Variants in TRIP12 observed in about 807,000 individuals in gnomAD.
TRIP12 encodes the protein thyroid hormone receptor interactor 12.
In TRIP12, 25 loss-of-function variants were observed where a neutral mutation model predicts 244.2. The ratio of observed to expected loss-of-function variants is 0.10; its 90% CI spans 0.07 to 0.14. TRIP12 has a LOEUF of 0.14. TRIP12 is among the 10% of genes least tolerant of loss of function. The pLI is 1.00. For synonymous variants in TRIP12, 905 were observed against 873.1 expected (o/e 1.04, Z -0.64); for missense variants, 1,677 against 2,486.4 (o/e 0.67, Z 6.92).
At chr2:229,894,171 G>A (rs781238541) in intron 1 of TRIP12, among the ~76,000 whole-genome samples, 6 of 152,046 alleles carry the variant, frequency 3.9e-5, no homozygotes, top group Middle Eastern at 3.4e-3. Context: ...AAAAGTTTTC[G>A]TTATTCTGCT....
At chr2:229,805,687 T>C (rs987291483) in intron 18 of TRIP12, 43 bp downstream of exon 18, 3 of 1,452,814 alleles carry the variant, frequency 2.1e-6, no homozygotes, top group Admixed American at 2.0e-5. Flanking sequence ...ACACAAAATA[T>C]TGCACAATAG....
At chr2:229,771,415 A>AT (rs1220421815) in intron 39 of TRIP12, 104 bp downstream of exon 39, 19 of 908,676 alleles carry the variant, frequency 2.1e-5, no homozygotes, top group African/African-American at 1.0e-4. Context: ...TCTAACACCC[A>AT]TTTTTTTGTT....
In TRIP12 at chr2:229,858,956, A is replaced by G; in HGVS notation, c.843T>C (p.Ser281=). 1 of 1,614,110 alleles carries G rather than the reference A, an allele frequency of 6.2e-7. No individual in the cohort carries two copies. The highest frequency in any genetic ancestry group is 8.5e-7 in the Non-Finnish European group (1 of 1,180,010). The change falls in exon 4 of 42, where the codon AGT becomes AGC. Residue 281 remains serine, a synonymous_variant. Coordinates refer to ENST00000675903, the MANE Select transcript of TRIP12 (RefSeq NM_001348323.3). ...NKARRSRSAS[S]PSPRRSSREK... ...CCCTGCTACTTCTTCTGGGGCTGGGACTGGACGCTGAACGGGAACGCCTGG... is the reference window on the plus strand; with the variant it reads ...CCCTGCTACTTCTTCTGGGGCTGGGGCTGGACGCTGAACGGGAACGCCTGG...
At position 229,783,385 on chromosome 2, in the gene TRIP12, T is replaced by C. The variant is rs146360326; in HGVS notation, c.5094+2372A>G. 1.6e-3 allele frequency among the ~76,000 whole-genome samples: 237 copies of C among 152,300 alleles called. 6 individuals carry two copies. In the East Asian group the frequency reaches 0.038, roughly 24 times the overall value. On this transcript the variant is annotated intron_variant, in intron 34 of 41. Transcript: ENST00000675903. ...TACTATCTGGTCCTTCACAGAAAGT[T>C]TTCCCAAGCCATGGGTCTACAATAA...
intron 2 of TRIP12, among the ~76,000 whole-genome samples, chr2:229,862,867 A>G (rs1334088839): frequency 6.6e-6 from 1 of 152,220 alleles, no homozygotes; most frequent in Non-Finnish European, 1.5e-5. Context: ...AACTCTCTAT[A>G]TTATACCACA....
At chr2:229,827,474 T>A (rs1319546150) in intron 8 of TRIP12, among the ~76,000 whole-genome samples, 1 of 152,010 alleles carries the variant, frequency 6.6e-6, no homozygotes, top group Non-Finnish European at 1.5e-5. Flanking sequence ...TTATTATTAT[T>A]ATTATTTTTT....
rs556981647 is a variant in TRIP12 at position 229,844,440 on chromosome 2, C to T, written c.1028-3513G>A. On this transcript the variant is annotated intron_variant, in intron 4 of 41. Coordinates refer to ENST00000675903, the MANE Select transcript of TRIP12 (RefSeq NM_001348323.3). ...AATAGACAACTGAATAATAAATCTT[C>T]GCTGTCCTGTTTTTATGCTATCTTC... Among the ~76,000 whole-genome samples, 7 of 152,290 alleles carry T rather than the reference C, an allele frequency of 4.6e-5. No individual in the cohort carries two copies. The South Asian group carries it at 1.5e-3, about 32-fold the overall frequency.
chr2:229,785,632 TCA>T (rs1194990650), intron 34 of TRIP12, 123 bp downstream of exon 34: 11 of 859,668 alleles, frequency 1.3e-5, no homozygotes, highest in Non-Finnish European at 1.9e-5. Flanking sequence ...AACAAATCAT[TCA>T]AGAGAAAAGA....
intron 1 of TRIP12, among the ~76,000 whole-genome samples, chr2:229,906,588 C>T (rs186557248): frequency 0.014 from 2,129 of 151,338 alleles, 52 homozygotes; most frequent in African/African-American, 0.048. Flanking sequence ...GGCATGGTGG[C>T]GGGCACCTGT....
At chr2:229,868,199 T>TTTCA (rs1419082834) in intron 2 of TRIP12, among the ~76,000 whole-genome samples, 6 of 152,190 alleles carry the variant, frequency 3.9e-5, no homozygotes, top group Admixed American at 2.6e-4. Flanking sequence ...GAATACTTAC[T>TTTCA]TTCATTCATT....
In TRIP12 at chr2:229,830,803, G is replaced by C; in HGVS notation, c.1307C>G (p.Thr436Ser). Residue 436 changes from threonine (T) to serine (S), a missense_variant, in exon 7 of 42, where the codon ACC (threonine) becomes AGC (serine). Physicochemically the swap from Thr to Ser is moderately conservative, Grantham distance 58. Transcript: ENST00000675903. ...SSVAGAVGMT[T>S]SGESESDDSE... ...ATCATCTGATTCACTCTCCCCAGAG[G>C]TGGTCATGCCAACAGCCCCTGCAAC... 6.2e-7 allele frequency: 1 copy of C among 1,614,136 alleles called. No homozygotes were observed. Among genetic ancestry groups the C allele is most frequent in the East Asian group, 2.2e-5 (1 of 44,872 alleles).
intron 4 of TRIP12, among the ~76,000 whole-genome samples, chr2:229,850,986 G>A (rs542500217): frequency 1.1e-4 from 16 of 152,188 alleles, no homozygotes; most frequent in South Asian, 8.3e-4. Flanking sequence ...GCCCACCATG[G>A]CTGAGCCTTC....
At position 229,796,610 on chromosome 2, in the gene TRIP12, T is replaced by A; in HGVS notation, c.3797A>T (p.His1266Leu). Residue 1266 changes from histidine to leucine, a missense_variant, in exon 25 of 42, where the codon CAT becomes CTT. Physicochemically the swap from His to Leu is moderately conservative, Grantham distance 99. This residue lies in a region of TRIP12 where 77 missense variants were observed against 69.2 expected (regional missense o/e 1.11). Coordinates refer to ENST00000675903, the MANE Select transcript of TRIP12 (RefSeq NM_001348323.3). Reference sequence around the variant, plus strand: ...ACTTACTGGAGAAGAAAAAAATACATGAAGAAATCGCTTTAATCTGATCTC... The same window carrying A: ...ACTTACTGGAGAAGAAAAAAATACAAGAAGAAATCGCTTTAATCTGATCTC... ...SREIRLKRFLHVFFSSPLPGE... is the reference protein window; with the variant it reads ...SREIRLKRFLLVFFSSPLPGE... The A allele has an allele frequency of 6.3e-7, 1 of 1,590,920 alleles. No homozygotes were observed. Among genetic ancestry groups the A allele is most frequent in the South Asian group, 1.2e-5 (1 of 86,660 alleles).
chr2:229,790,995 T>C, intron 30 of TRIP12, 129 bp downstream of exon 30: 1 of 1,185,744 alleles, frequency 8.4e-7, no homozygotes, highest in Middle Eastern at 2.0e-4. Flanking sequence ...TCAAACTGTT[T>C]GTAATGTCAT....
chr2:229,891,931 C>T (rs2067459051), intron 1 of TRIP12, among the ~76,000 whole-genome samples: 1 of 152,226 alleles, frequency 6.6e-6, no homozygotes, highest in African/African-American at 2.4e-5. Context: ...AGCAAAGGAA[C>T]AGTTAATAAG....
chr2:229,789,983 TAAAC>T (rs2041030948), intron 30 of TRIP12, among the ~76,000 whole-genome samples: 1 of 152,166 alleles, frequency 6.6e-6, no homozygotes, highest in Non-Finnish European at 1.5e-5. Flanking sequence ...CATACACAAA[TAAAC>T]ATTATAATGC....
In TRIP12 at chr2:229,803,910, T is replaced by C. The variant is rs1559512439; in HGVS notation, c.2879+89A>G. On this transcript the variant is annotated intron_variant, in intron 19 of 41. Transcript: ENST00000675903. Reference sequence around the variant, plus strand: ...GATACTCCTAACAAATTTTTGTGCATATTTTTTCTATTATTACTTTAGAGG... The same window carrying C: ...GATACTCCTAACAAATTTTTGTGCACATTTTTTCTATTATTACTTTAGAGG... 5 of 1,216,054 alleles carry C rather than the reference T, an allele frequency of 4.1e-6. No individual in the cohort carries two copies. The South Asian group carries it at 4.9e-5, about 12-fold the overall frequency. The allele number at this position is 1,216,054 out of a possible 1,614,324, so 75.3% of individuals were successfully genotyped here.
At chr2:229,892,624 T>C (rs968956469) in intron 1 of TRIP12, among the ~76,000 whole-genome samples, 1 of 152,128 alleles carries the variant, frequency 6.6e-6, no homozygotes, top group Non-Finnish European at 1.5e-5. Context: ...ATCCCAGCAC[T>C]TTGGGAGGCC....
chr2:229,849,456 G>A (rs144552857), intron 4 of TRIP12, among the ~76,000 whole-genome samples: 2 of 152,148 alleles, frequency 1.3e-5, no homozygotes, highest in Non-Finnish European at 2.9e-5. Context: ...ACTTGGGGGT[G>A]GGGGAGAAGA....
Sources: gnomAD v4.1 joint callset for allele counts (sites outside exome capture counted in the v4.1 genomes callset) on GRCh38, gnomAD v4.1.1 for gene constraint, gnomAD v4.1.1 regional missense constraint, MANE v1.5 for transcripts, NCBI Gene and HGNC (gene_info 2026-07-23, HGNC 2026-07-21) for gene names.